Variants in PCSK6 observed in about 807,000 individuals in gnomAD.
PCSK6 encodes paired basic amino acid cleaving enzyme 4.
Under a neutral mutation model 123.3 loss-of-function variants are expected in PCSK6, and 85 were observed. The ratio of observed to expected loss-of-function variants is 0.69; its 90% CI spans 0.58 to 0.83. The LOEUF (loss-of-function observed/expected upper bound fraction) is 0.83. Among genes scored for constraint, PCSK6 ranks in the 40% least tolerant of loss-of-function variants. The pLI is 0.00. For missense variants in PCSK6, 1,191 were observed against 1,282.3 expected (o/e 0.93, Z 1.09); for synonymous variants, 508 against 516.0 (o/e 0.98, Z 0.21).
intron 8 of PCSK6, among the ~76,000 whole-genome samples, chr15:101,391,194 T>C (rs1458704216): frequency 1.3e-5 from 2 of 152,082 alleles, no homozygotes; most frequent in African/African-American, 4.8e-5. Context: ...ACAAAAATGC[T>C]CCCTCTCTGA....
At chr15:101,329,809 C>T (rs1361118196) in intron 15 of PCSK6, among the ~76,000 whole-genome samples, 1 of 152,248 alleles carries the variant, frequency 6.6e-6, no homozygotes, top group Non-Finnish European at 1.5e-5. Context: ...TGTTTCCATG[C>T]CAGTAATGTC....
chr15:101,438,977 G>C lies in PCSK6; in HGVS notation c.402+4579C>G, dbSNP rs772198553. 2.6e-5 allele frequency among the ~76,000 whole-genome samples: 4 copies of C among 152,334 alleles called. 1 individual carries two copies. The South Asian group carries it at 8.3e-4, about 32-fold the overall frequency. ...GAGGGAAAAAGAGCGAAAGTCACCC[G>C]AGGAGGATCTTAAAGGCCAGTGGTG... is the stretch of plus-strand genomic sequence containing the variant. On this transcript the variant is annotated intron_variant, in intron 2 of 21. Coordinates refer to ENST00000611716, the MANE Select transcript of PCSK6 (RefSeq NM_002570.5).
At chr15:101,344,054 C>T (rs563015317) in intron 13 of PCSK6, among the ~76,000 whole-genome samples, 3 of 150,932 alleles carry the variant, frequency 2.0e-5, no homozygotes, top group South Asian at 2.1e-4. Context: ...CCAGCCTGTG[C>T]GACAGAACAA....
rs761714519 is a variant in PCSK6 at position 101,454,386 on chromosome 15, TG to T, written c.298-10727del. On this transcript the variant is annotated intron_variant, in intron 1 of 21. Coordinates refer to ENST00000611716, the MANE Select transcript of PCSK6 (RefSeq NM_002570.5). Reference sequence around the variant, plus strand: ...TGGGAGCAACCCAGGTGTCTGTGGCTGGTTGAGTGGATCGACAAAACCTGGC... The same window carrying T: ...TGGGAGCAACCCAGGTGTCTGTGGCTGTTGAGTGGATCGACAAAACCTGGC... 1.2e-4 allele frequency among the ~76,000 whole-genome samples: 18 copies of T among 152,308 alleles called. 2 individuals carry two copies. Among genetic ancestry groups the T allele is most frequent in the South Asian group, 8.3e-4 (4 of 4,820 alleles).
chr15:101,318,065 T>C (rs998493332), intron 19 of PCSK6, among the ~76,000 whole-genome samples: 2 of 152,362 alleles, frequency 1.3e-5, no homozygotes, highest in Admixed American at 1.3e-4. Context: ...CACACTGTTA[T>C]GTAACCATTG....
At chr15:101,406,218 C>CCACACA in intron 6 of PCSK6, among the ~76,000 whole-genome samples, 1 of 151,760 alleles carries the variant, frequency 6.6e-6, no homozygotes, top group African/African-American at 2.4e-5. Flanking sequence ...GCCCACACAC[C>CCACACA]CACACACACA....
At chr15:101,409,702 C>G (rs2042889305) in intron 6 of PCSK6, among the ~76,000 whole-genome samples, 1 of 152,042 alleles carries the variant, frequency 6.6e-6, no homozygotes, top group Admixed American at 6.5e-5. Context: ...GAGGAACTTG[C>G]TAAAGGGTAG....
intron 6 of PCSK6, among the ~76,000 whole-genome samples, chr15:101,401,345 C>G (rs1001920309): frequency 6.6e-6 from 1 of 152,360 alleles, no homozygotes; most frequent in East Asian, 1.9e-4. Context: ...TCAGTGTTAT[C>G]TATCTTCTCT....
At chr15:101,463,121 T>C in intron 1 of PCSK6, 2 of 458,606 alleles carry the variant, frequency 4.4e-6, no homozygotes, top group South Asian at 3.1e-5. Context: ...CCTGGAGCCG[T>C]TGAGCATCAA....
chr15:101,347,624 G>A, intron 13 of PCSK6: 3 of 1,554,686 alleles, frequency 1.9e-6, no homozygotes, highest in Non-Finnish European at 2.6e-6. Context: ...AGCCTCTGGG[G>A]GCGGGAGCTG....
chr15:101,311,034 A>C (rs1312937612), intron 20 of PCSK6, among the ~76,000 whole-genome samples: 2 of 152,148 alleles, frequency 1.3e-5, no homozygotes, highest in East Asian at 3.9e-4. Flanking sequence ...GATCCCTCAT[A>C]AATGGCCTCA....
chr15:101,439,400 G>A (rs560631362), intron 2 of PCSK6, among the ~76,000 whole-genome samples: 24 of 152,242 alleles, frequency 1.6e-4, no homozygotes, highest in Admixed American at 1.4e-3. Flanking sequence ...ATTCCTAGCA[G>A]CCATGCCACT....
intron 2 of PCSK6, among the ~76,000 whole-genome samples, chr15:101,434,515 C>G (rs67642051): frequency 0.25 from 37,664 of 152,224 alleles, 4,813 homozygotes; most frequent in African/African-American, 0.3. Flanking sequence ...GGCCCTTGGT[C>G]CTTGCTGGGC....
chr15:101,432,829 T>C (rs1393228319), intron 2 of PCSK6, among the ~76,000 whole-genome samples: 2 of 152,202 alleles, frequency 1.3e-5, no homozygotes, highest in African/African-American at 4.8e-5. Flanking sequence ...GAATTTGCTT[T>C]ACAGTAAGGA....
intron 13 of PCSK6, among the ~76,000 whole-genome samples, chr15:101,348,122 T>G (rs2141402399): frequency 6.6e-6 from 1 of 152,128 alleles, no homozygotes. Flanking sequence ...CACCTGGAAG[T>G]GGAGGGAAAA....
intron 1 of PCSK6, among the ~76,000 whole-genome samples, chr15:101,444,927 C>T (rs2056847495): frequency 6.6e-6 from 1 of 152,172 alleles, no homozygotes; most frequent in Non-Finnish European, 1.5e-5. Flanking sequence ...GAGAGCCTCC[C>T]AGCCCCTTTG....
At chr15:101,448,961 G>A (rs1039680982) in intron 1 of PCSK6, among the ~76,000 whole-genome samples, 2 of 152,176 alleles carry the variant, frequency 1.3e-5, no homozygotes, top group Admixed American at 6.5e-5. Flanking sequence ...ATGTGTGGAT[G>A]TATAGAATGT....
At position 101,326,375 on chromosome 15, in the gene PCSK6, A is replaced by G; in HGVS notation, c.2180+2T>C. The G allele has an allele frequency of 6.4e-7, 1 of 1,565,514 alleles. No individual in the cohort carries two copies. Among genetic ancestry groups the G allele is most frequent in the Non-Finnish European group, 8.7e-7 (1 of 1,154,504 alleles). On this transcript the variant is annotated splice_donor_variant, in intron 16 of 21. Transcript: ENST00000611716. LOFTEE classifies it high-confidence loss of function. ...GCCACAGGGCTGCGGGACATGCATT[A>G]CCTGCTGGTCTTGACACTCCCCAGG...
intron 13 of PCSK6, among the ~76,000 whole-genome samples, chr15:101,355,427 C>T (rs990263961): frequency 6.6e-6 from 1 of 152,218 alleles, no homozygotes; most frequent in African/African-American, 2.4e-5. Flanking sequence ...GCCCCAGCAC[C>T]TTAGGTAGGC....
Sources: allele counts gnomAD v4.1 joint callset (sites outside exome capture counted in the v4.1 genomes callset), GRCh38; gene constraint gnomAD v4.1.1; transcripts MANE v1.5; gene names NCBI Gene and HGNC (gene_info 2026-07-23, HGNC 2026-07-21).